Variants in RIT2 observed in about 807,000 individuals in gnomAD.
RIT2 encodes GTP-binding protein Rit2.
Under a neutral mutation model 23.7 loss-of-function variants are expected in RIT2, and 24 were observed. The ratio of observed to expected loss-of-function variants is 1.01; its 90% CI spans 0.73 to 1.43. RIT2 has a LOEUF of 1.43. Ranked by LOEUF, RIT2 falls within the 40% of genes most tolerant of loss-of-function variation. The pLI is 0.00. For synonymous variants in RIT2, 107 were observed against 91.1 expected, an observed-to-expected ratio of 1.17 and a Z score of -0.99; for missense variants, 236 against 266.9, an observed-to-expected ratio of 0.88 and a Z score of 0.81.
At chr18:43,039,049 T>C (rs1912061848) in intron 1 of RIT2, among the ~76,000 whole-genome samples, 2 of 152,184 alleles carry the variant, frequency 1.3e-5, no homozygotes, top group South Asian at 2.1e-4. Context: ...ATCTTGAAGA[T>C]GAATACCACT....
chr18:42,828,405 A>T (rs16976993), intron 4 of RIT2, among the ~76,000 whole-genome samples: 2 of 152,064 alleles, frequency 1.3e-5, no homozygotes, highest in African/African-American at 4.8e-5. Context: ...TAGGTGACTA[A>T]ATTGTTTAAA....
chr18:43,049,429 A>T (rs1912325005), intron 1 of RIT2, among the ~76,000 whole-genome samples: 1 of 152,132 alleles, frequency 6.6e-6, no homozygotes, highest in African/African-American at 2.4e-5. Flanking sequence ...TTTCCTGTAC[A>T]TTTAATCAAC....
chr18:43,101,883 AC>A (rs765841231), intron 1 of RIT2, among the ~76,000 whole-genome samples: 18 of 152,228 alleles, frequency 1.2e-4, no homozygotes, highest in Non-Finnish European at 2.4e-4. Flanking sequence ...ATTCATTAAG[AC>A]GGAGCAAGTA....
At chr18:43,079,617 T>C (rs1485417279) in intron 1 of RIT2, among the ~76,000 whole-genome samples, 1 of 152,162 alleles carries the variant, frequency 6.6e-6, no homozygotes, top group African/African-American at 2.4e-5. Context: ...AAACCTGACT[T>C]ATGACAGAGG....
chr18:42,816,140 C>CAA (rs397858218), intron 4 of RIT2, among the ~76,000 whole-genome samples: 2 of 133,818 alleles, frequency 1.5e-5, no homozygotes, highest in Non-Finnish European at 1.6e-5. Context: ...GATCTCCAAG[C>CAA]AAAAAAAAAA....
intron 1 of RIT2, among the ~76,000 whole-genome samples, chr18:43,069,983 A>G (rs546206292): frequency 1.3e-5 from 2 of 152,288 alleles, no homozygotes; most frequent in East Asian, 1.9e-4. Context: ...ATTGTAATAT[A>G]CATTTCTTCT....
rs138128447 is a variant in RIT2, at chr18:42,865,291, C to T, written c.426+58281G>A. ...TGTTGGGCCTCAGTCCACTTACTTT[C>T]CTTGAGGACCTGATGTGGAGTCCCT... On this transcript the variant is annotated intron_variant, in intron 4 of 4. Coordinates refer to ENST00000326695, the MANE Select transcript of RIT2 (RefSeq NM_002930.4). Among the ~76,000 whole-genome samples the T allele has an allele frequency of 4.4e-4, 67 of 152,284 alleles. No individual in the cohort carries two copies. The East Asian group carries it at 9.9e-3, about 22-fold the overall frequency.
At chr18:43,039,065 A>G (rs187873767) in intron 1 of RIT2, among the ~76,000 whole-genome samples, 127 of 151,974 alleles carry the variant, frequency 8.4e-4, no homozygotes, top group African/African-American at 2.8e-3. Context: ...CCACTTTTCT[A>G]CTTATTTCCA....
intron 1 of RIT2, among the ~76,000 whole-genome samples, chr18:43,059,695 G>A (rs928808825): frequency 1.3e-5 from 2 of 152,110 alleles, no homozygotes; most frequent in Admixed American, 1.3e-4. Flanking sequence ...TTATTAACTT[G>A]ACTTGTTTTA....
At chr18:42,891,114 G>A (rs1188310921) in intron 4 of RIT2, among the ~76,000 whole-genome samples, 3 of 152,136 alleles carry the variant, frequency 2.0e-5, no homozygotes, top group Non-Finnish European at 2.9e-5. Flanking sequence ...GAGCCTGTTT[G>A]TTGAAATCCA....
chr18:42,813,935 C>T (rs886426817), intron 4 of RIT2, among the ~76,000 whole-genome samples: 8 of 152,188 alleles, frequency 5.3e-5, no homozygotes, highest in Non-Finnish European at 8.8e-5. Flanking sequence ...TCATCCACCC[C>T]AGAACACATA....
intron 4 of RIT2, among the ~76,000 whole-genome samples, chr18:42,779,212 T>C (rs1913748076): frequency 6.6e-6 from 1 of 152,210 alleles, no homozygotes; most frequent in South Asian, 2.1e-4. Context: ...TTTATAAAAC[T>C]TGCCCTTGTT....
intron 4 of RIT2, among the ~76,000 whole-genome samples, chr18:42,841,974 G>A (rs955969088): frequency 6.6e-6 from 1 of 152,168 alleles, no homozygotes; most frequent in African/African-American, 2.4e-5. Flanking sequence ...TTAACCACAA[G>A]TTGAAGATAT....
intron 4 of RIT2, among the ~76,000 whole-genome samples, chr18:42,836,595 CT>C (rs1420782535): frequency 6.6e-6 from 1 of 152,108 alleles, no homozygotes; most frequent in Non-Finnish European, 1.5e-5. Flanking sequence ...AAAAGTTTTC[CT>C]CATTGTAGGT....
At position 42,824,590 on chromosome 18, in the gene RIT2, CTAA is replaced by C. The variant is rs754395057; in HGVS notation, c.427-80873_427-80871del. On this transcript the variant is annotated intron_variant, in intron 4 of 4. Transcript: ENST00000326695. The stretch of plus-strand genomic sequence containing the variant: ...AGAGATAATAACTGACATTTCAGAC[CTAA>C]TAATGCATGGTTATAAATCAGATAA... 1.3e-5 allele frequency among the ~76,000 whole-genome samples: 2 copies of C among 151,738 alleles called. 1 individual carries two copies. Among genetic ancestry groups the C allele is most frequent in the Non-Finnish European group, 2.9e-5 (2 of 67,856 alleles).
chr18:42,878,978 A>G (rs1049254255), intron 4 of RIT2, among the ~76,000 whole-genome samples: 4 of 152,026 alleles, frequency 2.6e-5, no homozygotes, highest in African/African-American at 9.7e-5. Flanking sequence ...GTTTACAACT[A>G]TTTTGGTCTT....
intron 4 of RIT2, among the ~76,000 whole-genome samples, chr18:42,906,342 C>A (rs1009645606): frequency 2.0e-5 from 3 of 152,060 alleles, no homozygotes; most frequent in Non-Finnish European, 2.9e-5. Flanking sequence ...TACAGACATA[C>A]ATAATACTGA....
chr18:42,774,025 TCA>T (rs1393620054), intron 4 of RIT2, among the ~76,000 whole-genome samples: 2 of 152,186 alleles, frequency 1.3e-5, no homozygotes, highest in African/African-American at 2.4e-5. Context: ...GCAATGGAAT[TCA>T]CAGTTTTACC....
chr18:42,998,740 T>G (rs542896559), intron 2 of RIT2, among the ~76,000 whole-genome samples: 6 of 152,176 alleles, frequency 3.9e-5, no homozygotes, highest in African/African-American at 1.2e-4. Context: ...GCTCCCAATT[T>G]TGCCAAGTGG....
Sources: gnomAD v4.1 joint callset for allele counts (sites outside exome capture counted in the v4.1 genomes callset) on GRCh38, gnomAD v4.1.1 for gene constraint, MANE v1.5 for transcripts, NCBI Gene and HGNC (gene_info 2026-07-23, HGNC 2026-07-21) for gene names.